CAST: variants seen among roughly 807,000 people sequenced by gnomAD.
CAST encodes MIR583 host.
A neutral mutation model predicts 119.6 loss-of-function variants in CAST; 76 were observed. The observed-to-expected ratio is 0.64, with a 90% confidence interval of 0.53 to 0.77. CAST has a LOEUF of 0.77. Ranked by LOEUF, CAST falls within the 30% of genes least tolerant of loss-of-function variation. The pLI, the probability that CAST is intolerant of heterozygous loss-of-function variation, is 0.00. For missense variants in CAST, 953 were observed against 946.5 expected, an observed-to-expected ratio of 1.01 and a Z score of -0.09; for synonymous variants, 319 against 331.6, an observed-to-expected ratio of 0.96 and a Z score of 0.41.
chr5:96,683,874 T>C (rs778863768), intron 2 of CAST, among the ~76,000 whole-genome samples: 1 of 152,222 alleles, frequency 6.6e-6, no homozygotes, highest in Non-Finnish European at 1.5e-5. Context: ...TCAGTTTGAA[T>C]TCTGAGAGAA....
intron 1 of CAST, among the ~76,000 whole-genome samples, chr5:96,577,657 A>T (rs1217837613): frequency 6.6e-6 from 1 of 152,048 alleles, no homozygotes; most frequent in Non-Finnish European, 1.5e-5. Flanking sequence ...ATTTAGAAGC[A>T]TGTTATTTAG....
the CAST span, among the ~76,000 whole-genome samples, chr5:96,413,658 G>A: frequency 6.6e-6 from 1 of 151,626 alleles, no homozygotes; most frequent in Non-Finnish European, 1.5e-5. Flanking sequence ...AAATTAGTCA[G>A]GCATGCTGGC....
intron 1 of CAST, among the ~76,000 whole-genome samples, chr5:96,645,741 A>G (rs2150204104): frequency 6.6e-6 from 1 of 152,010 alleles, no homozygotes; most frequent in South Asian, 2.1e-4. Flanking sequence ...CTTTACTAAT[A>G]CCAAGGGAAA....
chr5:96,337,423 T>C, the CAST span, among the ~76,000 whole-genome samples: 1 of 152,228 alleles, frequency 6.6e-6, no homozygotes, highest in Non-Finnish European at 1.5e-5. Context: ...TATGGTACTA[T>C]GTCAATTGAC....
chr5:96,046,744 A>C, the CAST span, among the ~76,000 whole-genome samples: 1 of 152,236 alleles, frequency 6.6e-6, no homozygotes, highest in Non-Finnish European at 1.5e-5. Flanking sequence ...CTGAGAAGAA[A>C]AAGAGGTTTA....
the CAST span, among the ~76,000 whole-genome samples, chr5:96,413,566 G>A: frequency 7.2e-5 from 11 of 152,092 alleles, no homozygotes; most frequent in Non-Finnish European, 1.2e-4. Context: ...TTGGGAGGCC[G>A]AGGTGGGTGG....
At chr5:96,146,333 T>G in the CAST span, among the ~76,000 whole-genome samples, 1 of 152,218 alleles carries the variant, frequency 6.6e-6, no homozygotes, top group Non-Finnish European at 1.5e-5. Context: ...AGCATCACAT[T>G]CAGGTGGACT....
At chr5:96,762,216 C>A in intron 24 of CAST, 58 bp from the exon 25 acceptor site, 1 of 1,054,054 alleles carries the variant, frequency 9.5e-7, no homozygotes, top group Non-Finnish European at 1.4e-6. Flanking sequence ...TAAGTGATGG[C>A]ATTGTGCTCA....
At chr5:96,053,948 G>A in the CAST span, among the ~76,000 whole-genome samples, 3 of 152,048 alleles carry the variant, frequency 2.0e-5, no homozygotes, top group African/African-American at 7.2e-5. Flanking sequence ...TAGTTATTTT[G>A]GCAGCTCAAA....
chr5:95,988,410 G>A, the CAST span, among the ~76,000 whole-genome samples: 1 of 152,066 alleles, frequency 6.6e-6, no homozygotes, highest in African/African-American at 2.4e-5. Context: ...CAAGAGAAAG[G>A]GGTACAAGGT....
At chr5:96,003,829 T>A in the CAST span, among the ~76,000 whole-genome samples, 2 of 152,196 alleles carry the variant, frequency 1.3e-5, no homozygotes, top group Admixed American at 1.3e-4. Flanking sequence ...GTATAGAACA[T>A]TTTCAATTCT....
the CAST span, among the ~76,000 whole-genome samples, chr5:96,272,895 AT>A: frequency 1.3e-5 from 2 of 152,348 alleles, no homozygotes; most frequent in South Asian, 2.1e-4. Context: ...CAATAAAAAA[AT>A]AAAGAGAATG....
At chr5:96,059,489 T>C in the CAST span, among the ~76,000 whole-genome samples, 2 of 152,156 alleles carry the variant, frequency 1.3e-5, no homozygotes, top group Non-Finnish European at 2.9e-5. Flanking sequence ...GGCTATTTAC[T>C]CAGGTAACTA....
intron 1 of CAST, among the ~76,000 whole-genome samples, chr5:96,625,846 G>A (rs982584828): frequency 6.6e-6 from 1 of 152,166 alleles, no homozygotes; most frequent in Admixed American, 6.5e-5. Context: ...GCTGAGCATG[G>A]TGAAGGTAGC....
chr5:96,024,135 TTTATCA>T, the CAST span, among the ~76,000 whole-genome samples: 1 of 152,170 alleles, frequency 6.6e-6, no homozygotes, highest in East Asian at 1.9e-4. Context: ...CAAGTGACTT[TTTATCA>T]GTCTCCACCT....
intron 1 of CAST, among the ~76,000 whole-genome samples, chr5:96,606,595 G>A (rs931809829): frequency 2.6e-5 from 4 of 152,192 alleles, no homozygotes; most frequent in Non-Finnish European, 5.9e-5. Context: ...CCTGGTTCTC[G>A]TATTCTTCTT....
At chr5:96,483,881 C>T in the CAST span, among the ~76,000 whole-genome samples, 1 of 152,156 alleles carries the variant, frequency 6.6e-6, no homozygotes, top group Non-Finnish European at 1.5e-5. Context: ...AGTGCTGAGT[C>T]AAGACTCACA....
At chr5:95,968,921 C>G in the CAST span, among the ~76,000 whole-genome samples, 1 of 152,082 alleles carries the variant, frequency 6.6e-6, no homozygotes, top group Non-Finnish European at 1.5e-5. Context: ...AGGTGAGAAG[C>G]ACTATGCAGG....
At chr5:96,727,414 T>C (rs576967739) in intron 5 of CAST, 75 bp from the exon 6 acceptor site, 6 of 730,560 alleles carry the variant, frequency 8.2e-6, no homozygotes, top group Middle Eastern at 3.6e-4. Flanking sequence ...GAAGAAAATC[T>C]GTGATAGTCT....
Sources: allele counts gnomAD v4.1 joint callset (sites outside exome capture counted in the v4.1 genomes callset), GRCh38; gene constraint gnomAD v4.1.1; transcripts MANE v1.5; gene names NCBI Gene and HGNC (gene_info 2026-07-23, HGNC 2026-07-21).